Variants in VAT1L observed in about 807,000 individuals in gnomAD.
The protein encoded by VAT1L is vesicle amine transport 1 like, also known as putative NADPH-dependent quinone oxidoreductase VAT1L.
Under a neutral mutation model 44.1 loss-of-function variants are expected in VAT1L, and 34 were observed. That is an observed-to-expected ratio of 0.77 (90% confidence interval 0.59 to 1.03). VAT1L has a LOEUF of 1.03. VAT1L is among the 50% of genes least tolerant of loss of function. VAT1L has a pLI of 0.00. For missense variants in VAT1L, 615 were observed against 538.8 expected (o/e 1.14, Z -1.40); for synonymous variants, 253 against 202.2 (o/e 1.25, Z -2.13).
intron 8 of VAT1L, among the ~76,000 whole-genome samples, chr16:77,972,813 A>G (rs2018294749): frequency 1.3e-5 from 2 of 149,744 alleles, no homozygotes; most frequent in African/African-American, 4.9e-5. Flanking sequence ...AAAATAATAA[A>G]AATAATGTAA....
intron 1 of VAT1L, among the ~76,000 whole-genome samples, chr16:77,795,755 T>C (rs1352622165): frequency 6.6e-6 from 1 of 151,960 alleles, no homozygotes; most frequent in African/African-American, 2.4e-5. Context: ...ATTAAAATTT[T>C]GCTTTGCCCT....
chr16:77,868,692 G>A (rs2017000465), intron 4 of VAT1L, among the ~76,000 whole-genome samples: 1 of 152,172 alleles, frequency 6.6e-6, no homozygotes, highest in Non-Finnish European at 1.5e-5. Flanking sequence ...CAGCCAGGGA[G>A]GAAGCCAGAT....
At chr16:77,912,304 C>A (rs1476201132) in intron 7 of VAT1L, among the ~76,000 whole-genome samples, 1 of 152,234 alleles carries the variant, frequency 6.6e-6, no homozygotes, top group East Asian at 1.9e-4. Context: ...AAGTAAAGCG[C>A]CTGGGATTGA....
chr16:77,914,729 G>A (rs1024969562), intron 7 of VAT1L, among the ~76,000 whole-genome samples: 3 of 152,164 alleles, frequency 2.0e-5, no homozygotes, highest in African/African-American at 7.2e-5. Flanking sequence ...GCTGAAAGAG[G>A]TTACAGTTCA....
At chr16:77,801,708 T>A (rs2016058534) in intron 1 of VAT1L, 1 of 62,182 alleles carries the variant, frequency 1.6e-5, no homozygotes, top group Admixed American at 2.5e-4. Context: ...AGTACACACT[T>A]TCATTTAAAA....
chr16:77,966,357 G>C (rs1280924960), intron 7 of VAT1L, among the ~76,000 whole-genome samples: 1 of 152,258 alleles, frequency 6.6e-6, no homozygotes, highest in Middle Eastern at 3.4e-3. Context: ...TGAGGGTGGA[G>C]GGCAAATACT....
At chr16:77,813,934 G>A (rs1180027960) in intron 1 of VAT1L, among the ~76,000 whole-genome samples, 5 of 152,168 alleles carry the variant, frequency 3.3e-5, no homozygotes, top group African/African-American at 9.7e-5. Context: ...GGGCAAGGGC[G>A]GGGCATAGAG....
intron 5 of VAT1L, among the ~76,000 whole-genome samples, chr16:77,878,463 C>G (rs1209083039): frequency 1.3e-5 from 2 of 151,976 alleles, no homozygotes; most frequent in Non-Finnish European, 2.9e-5. Flanking sequence ...TCTCATTCCC[C>G]CCTCCCCTGC....
intron 3 of VAT1L, among the ~76,000 whole-genome samples, chr16:77,834,057 T>C (rs921476006): frequency 1.3e-5 from 2 of 152,232 alleles, no homozygotes; most frequent in Non-Finnish European, 2.9e-5. Flanking sequence ...GCAACCAGAA[T>C]GGTTCTCCAC....
chr16:77,891,804 G>A (rs2017268682), intron 7 of VAT1L, among the ~76,000 whole-genome samples: 1 of 152,174 alleles, frequency 6.6e-6, no homozygotes, highest in South Asian at 2.1e-4. Flanking sequence ...CGGGCGCGGT[G>A]GCTCATGCCT....
intron 1 of VAT1L, among the ~76,000 whole-genome samples, chr16:77,797,069 A>G (rs1292141574): frequency 2.0e-5 from 3 of 151,834 alleles, no homozygotes; most frequent in Non-Finnish European, 2.9e-5. Flanking sequence ...GGATTTCACC[A>G]TTACATAGTA....
At chr16:77,792,046 G>A (rs1194592108) in intron 1 of VAT1L, among the ~76,000 whole-genome samples, 2 of 152,182 alleles carry the variant, frequency 1.3e-5, no homozygotes, top group Admixed American at 1.3e-4. Context: ...TGGGGGATGT[G>A]TCTCAGTGTC....
rs113460428 is a variant in VAT1L, at chr16:77,978,061, C to T, written c.*366C>T. 4.3e-3 allele frequency: 877 copies of T among 206,002 alleles called. 13 individuals carry two copies. Among genetic ancestry groups the T allele is most frequent in the African/African-American group, 0.019 (825 of 43,016 alleles). 12.8% of individuals were successfully genotyped at this position (206,002 alleles called of 1,614,324 possible). ...AAGTTTGGATGGAAAGGTGTTATCA[C>T]AGAGCCCTGTCCAGCTCCTAGAATT... On this transcript the variant is annotated 3_prime_UTR_variant, in exon 9 of 9. Coordinates refer to ENST00000302536, the MANE Select transcript of VAT1L (RefSeq NM_020927.3).
At chr16:77,970,192 T>C (rs117496559) in intron 7 of VAT1L, among the ~76,000 whole-genome samples, 2,198 of 152,224 alleles carry the variant, frequency 0.014, 23 homozygotes, top group Middle Eastern at 0.031. Flanking sequence ...TCTGTGATTG[T>C]ACTGCTTTAC....
intron 3 of VAT1L, among the ~76,000 whole-genome samples, chr16:77,847,272 T>C (rs1453798050): frequency 1.3e-5 from 2 of 151,646 alleles, no homozygotes; most frequent in Non-Finnish European, 2.9e-5. Context: ...ACTTCTTTTG[T>C]TGATTGTGAC....
intron 7 of VAT1L, among the ~76,000 whole-genome samples, chr16:77,922,960 G>A (rs2017628135): frequency 2.0e-5 from 3 of 152,116 alleles, no homozygotes; most frequent in Non-Finnish European, 2.9e-5. Context: ...TTCAATCTTC[G>A]TTGACGTCTA....
chr16:77,931,478 C>T (rs1240147422), intron 7 of VAT1L, among the ~76,000 whole-genome samples: 1 of 152,040 alleles, frequency 6.6e-6, no homozygotes, highest in African/African-American at 2.4e-5. Context: ...AAAAATAGCT[C>T]AGGGAAGGGG....
At chr16:77,801,942 C>G (rs564435760) in intron 1 of VAT1L, among the ~76,000 whole-genome samples, 1 of 152,110 alleles carries the variant, frequency 6.6e-6, no homozygotes, top group South Asian at 2.1e-4. Context: ...GTTTTGCAGC[C>G]GGAATCGACG....
In VAT1L at chr16:77,956,737, C is replaced by T. The variant is rs550574402; in HGVS notation, c.1078-15113C>T. Among the ~76,000 whole-genome samples the T allele has an allele frequency of 9.2e-5, 14 of 152,264 alleles. No homozygotes were observed. The South Asian group carries it at 1.9e-3, about 20-fold the overall frequency. On this transcript the variant is annotated intron_variant, in intron 7 of 8. Coordinates refer to ENST00000302536, the MANE Select transcript of VAT1L (RefSeq NM_020927.3). ...CGCTTTAGACAAAGTGGGGGAGAACCGGCTTTTGATAAGAACACTTTGGTT... is the reference window on the plus strand; with the variant it reads ...CGCTTTAGACAAAGTGGGGGAGAACTGGCTTTTGATAAGAACACTTTGGTT...
Sources: allele counts gnomAD v4.1 joint callset (sites outside exome capture counted in the v4.1 genomes callset), GRCh38; gene constraint gnomAD v4.1.1; transcripts MANE v1.5; gene names NCBI Gene and HGNC (gene_info 2026-07-23, HGNC 2026-07-21).